Variants in GRIP2 observed in about 807,000 individuals in gnomAD.
GRIP2 encodes the protein glutamate receptor-interacting protein 2.
A neutral mutation model predicts 108.3 loss-of-function variants in GRIP2; 58 were observed. The ratio of observed to expected loss-of-function variants is 0.54; its 90% confidence interval spans 0.43 to 0.67. The LOEUF (loss-of-function observed/expected upper bound fraction) is 0.67. Ranked by LOEUF, GRIP2 falls within the 30% of genes least tolerant of loss-of-function variation. The pLI is 0.00. For missense variants in GRIP2, 1,278 were observed against 1,430.6 expected (o/e 0.89, Z 1.72); for synonymous variants, 586 against 598.2 (o/e 0.98, Z 0.30).
chr3:14,523,374 C>T (rs1694465116), intron 5 of GRIP2: 4 of 580,754 alleles, frequency 6.9e-6, no homozygotes, highest in Non-Finnish European at 9.2e-6. Flanking sequence ...TTCTCAGTCT[C>T]GGTAGCAGCT....
intron 16 of GRIP2, among the ~76,000 whole-genome samples, chr3:14,510,185 T>C (rs1020896847): frequency 2.6e-5 from 4 of 151,880 alleles, no homozygotes; most frequent in Middle Eastern, 6.9e-3. Context: ...AATGACAACA[T>C]TGATGACAAG....
At chr3:14,587,636 C>T in the GRIP2 span, among the ~76,000 whole-genome samples, 1 of 96,368 alleles carries the variant, frequency 1.0e-5, no homozygotes, top group Admixed American at 1.0e-4. Context: ...GAGATGCCAT[C>T]TCCAAAAAAA....
At chr3:14,534,022 C>T (rs1328150574) in intron 1 of GRIP2, among the ~76,000 whole-genome samples, 1 of 152,176 alleles carries the variant, frequency 6.6e-6, no homozygotes, top group Non-Finnish European at 1.5e-5. Context: ...AGAAGCCATT[C>T]TTGATAGGCG....
the GRIP2 span, among the ~76,000 whole-genome samples, chr3:14,565,057 C>G: frequency 6.6e-6 from 1 of 152,226 alleles, no homozygotes. Flanking sequence ...CCCTGGGTCT[C>G]TGTGCCAGGG....
At chr3:14,546,902 G>C (rs894811073), upstream of GRIP2, among the ~76,000 whole-genome samples, 1 of 152,316 alleles carries the variant, frequency 6.6e-6, no homozygotes, top group East Asian at 1.9e-4. Flanking sequence ...ACCTGGTGGT[G>C]TTAGGAGAAA....
chr3:14,496,610 A>G (rs1248748529), intron 21 of GRIP2, 50 bp from the exon 22 acceptor site: 2 of 1,564,228 alleles, frequency 1.3e-6, no homozygotes, highest in East Asian at 2.3e-5. Context: ...TTGCCCCATC[A>G]GGCAGTCAGC....
the GRIP2 span, among the ~76,000 whole-genome samples, chr3:14,592,705 G>C: frequency 1.3e-5 from 2 of 152,164 alleles, no homozygotes; most frequent in African/African-American, 4.8e-5. Flanking sequence ...CTGACTCCTT[G>C]TGGTGGCCTA....
the GRIP2 span, among the ~76,000 whole-genome samples, chr3:14,577,952 A>G: frequency 6.6e-6 from 1 of 152,360 alleles, no homozygotes; most frequent in South Asian, 2.1e-4. Flanking sequence ...ATCCTCGCCC[A>G]GGGCCTGTGG....
chr3:14,564,420 C>T, the GRIP2 span, among the ~76,000 whole-genome samples: 2 of 152,242 alleles, frequency 1.3e-5, no homozygotes, highest in African/African-American at 4.8e-5. Context: ...CACTCTGACC[C>T]CAGGCTCCCT....
chr3:14,526,703 C>T (rs576255086), intron 1 of GRIP2, among the ~76,000 whole-genome samples: 1 of 152,276 alleles, frequency 6.6e-6, no homozygotes, highest in Non-Finnish European at 1.5e-5. Context: ...CTCATATTTT[C>T]CATGTCTTCT....
At chr3:14,504,965 T>C (rs1693877503) in intron 20 of GRIP2, among the ~76,000 whole-genome samples, 1 of 152,096 alleles carries the variant, frequency 6.6e-6, no homozygotes, top group East Asian at 1.9e-4. Flanking sequence ...AGGAGACTTG[T>C]AGGAGCAGCT....
At chr3:14,546,138 G>A (rs1365409735), upstream of GRIP2, among the ~76,000 whole-genome samples, 2 of 152,196 alleles carry the variant, frequency 1.3e-5, no homozygotes, top group Non-Finnish European at 2.9e-5. Flanking sequence ...CCTGTGGGTG[G>A]GGTAGAGGGA....
At chr3:14,508,189 T>G (rs555647716) in intron 17 of GRIP2, among the ~76,000 whole-genome samples, 2 of 152,320 alleles carry the variant, frequency 1.3e-5, no homozygotes, top group South Asian at 4.1e-4. Flanking sequence ...ACCTGGAGAA[T>G]GGGCATAATC....
intron 1 of GRIP2, among the ~76,000 whole-genome samples, chr3:14,526,502 GAA>G (rs1393737305): frequency 6.6e-6 from 1 of 152,194 alleles, no homozygotes. Context: ...TACAGTTTAT[GAA>G]TCACATTCTC....
the GRIP2 span, among the ~76,000 whole-genome samples, chr3:14,601,230 C>T: frequency 5.9e-5 from 9 of 152,140 alleles, no homozygotes; most frequent in African/African-American, 2.2e-4. Flanking sequence ...CCTAGGGCCC[C>T]AACAGGACAG....
At chr3:14,513,914 T>C in intron 12 of GRIP2, 104 bp from the exon 13 acceptor site, 1 of 1,368,128 alleles carries the variant, frequency 7.3e-7, no homozygotes, top group Non-Finnish European at 9.9e-7. Flanking sequence ...CACCTCCTGG[T>C]CTGGGGTGAC....
chr3:14,547,328 A>G (rs1005006987), intron 1 of GRIP2, among the ~76,000 whole-genome samples: 1 of 152,124 alleles, frequency 6.6e-6, no homozygotes, highest in Non-Finnish European at 1.5e-5. Context: ...AGACGGAAAG[A>G]CCTGTTTCAC....
chr3:14,575,622 G>A, the GRIP2 span, among the ~76,000 whole-genome samples: 110 of 152,378 alleles, frequency 7.2e-4, 2 homozygotes, highest in South Asian at 0.012. Context: ...GGACAGGAGG[G>A]TGGGAGCTCG....
intron 1 of GRIP2, among the ~76,000 whole-genome samples, chr3:14,528,024 T>C (rs1472011571): frequency 1.3e-5 from 2 of 152,242 alleles, no homozygotes; most frequent in Admixed American, 6.5e-5. Context: ...AACATTTCTA[T>C]TGGCCCCCAA....
Sources: allele counts gnomAD v4.1 joint callset (sites outside exome capture counted in the v4.1 genomes callset), GRCh38; gene constraint gnomAD v4.1.1; transcripts MANE v1.5; gene names NCBI Gene and HGNC (gene_info 2026-07-23, HGNC 2026-07-21).